Variants in STK10 observed in about 807,000 individuals in gnomAD.
The protein encoded by STK10 is serine/threonine kinase 10.
STK10 carries 78 observed loss-of-function variants against 113.8 expected under a neutral mutation model. The observed-to-expected ratio is 0.69, with a 90% confidence interval of 0.57 to 0.83. STK10 has a LOEUF of 0.83. Ranked by LOEUF, STK10 falls within the 40% of genes least tolerant of loss-of-function variation. The pLI is 0.00. For missense variants in STK10, 1,109 were observed against 1,280.1 expected (o/e 0.87, Z 2.04); for synonymous variants, 465 against 494.7 (o/e 0.94, Z 0.80).
chr5:172,089,645 G>C (rs183163259), intron 10 of STK10, among the ~76,000 whole-genome samples: 2 of 152,070 alleles, frequency 1.3e-5, no homozygotes, highest in African/African-American at 4.8e-5. Context: ...TGGATAATTC[G>C]GCAGATGAAG....
intron 8 of STK10, 77 bp from the exon 9 acceptor site, chr5:172,094,037 AAGTC>A (rs1768790699): frequency 2.6e-6 from 3 of 1,155,966 alleles, no homozygotes; most frequent in Non-Finnish European, 1.1e-6. Flanking sequence ...GCAGTGGAGA[AAGTC>A]AGACACCCTC....
rs1768634675 is a variant in STK10 at position 172,089,288 on chromosome 5, A to G, written c.1685+944T>C. 3.3e-5 allele frequency among the ~76,000 whole-genome samples: 5 copies of G among 152,246 alleles called. No homozygotes were observed. In the South Asian group the frequency reaches 1.0e-3, roughly 31 times the overall value. ...ATGGCATGTACCACAATCAGGGATT[A>G]TCTTGTGTACTGTATGTTGGCCCAT... is the stretch of plus-strand genomic sequence containing the variant. On this transcript the variant is annotated intron_variant, in intron 10 of 18. Coordinates refer to ENST00000176763, the MANE Select transcript of STK10 (RefSeq NM_005990.4).
intron 4 of STK10, among the ~76,000 whole-genome samples, chr5:172,116,467 T>C (rs1769386095): frequency 6.6e-6 from 1 of 152,200 alleles, no homozygotes; most frequent in Admixed American, 6.5e-5. Flanking sequence ...AGCGCTTGTC[T>C]CTGCAGGTGG....
In STK10 at chr5:172,093,983, ATT is replaced by A. The variant is rs765234036; in HGVS notation, c.1006-25_1006-24del. On this transcript the variant is annotated intron_variant, in intron 8 of 18. Transcript: ENST00000176763. This position sits in a 1 kb window ranked among gnomAD's most constrained non-coding sequence, Gnocchi z 4.1. Reference sequence around the variant, plus strand: ...GGTCTAGAAAAATATATATATATATATTAAAGGCCATGCTGCTGTATGTTCAA... The same window carrying A: ...GGTCTAGAAAAATATATATATATATAAAAGGCCATGCTGCTGTATGTTCAA... 3 of 1,342,880 alleles carry A rather than the reference ATT, an allele frequency of 2.2e-6. No homozygotes were observed. Among genetic ancestry groups the A allele is most frequent in the Admixed American group, 2.9e-5 (1 of 34,094 alleles). 83.2% of individuals were successfully genotyped at this position (1,342,880 alleles called of 1,614,324 possible).
At position 172,177,742 on chromosome 5, in the gene STK10, C is replaced by T. The variant is rs192596645; in HGVS notation, c.156+10145G>A. ...TGGTTTGAATGAGGTGACTAGGAAA[C>T]CTGCCATTGCCTGTATAGCCTGCGT... On this transcript the variant is annotated intron_variant, in intron 1 of 18. Transcript: ENST00000176763. Among the ~76,000 whole-genome samples the T allele has an allele frequency of 3.3e-5, 5 of 152,310 alleles. No homozygotes were observed. The East Asian group carries it at 9.6e-4, about 29-fold the overall frequency.
chr5:172,053,809 T>C (rs1767684712), intron 17 of STK10, among the ~76,000 whole-genome samples: 1 of 152,262 alleles, frequency 6.6e-6, no homozygotes, highest in Admixed American at 6.5e-5. Flanking sequence ...GAAGTAATAC[T>C]CGCAGCAGCG....
chr5:172,056,847 CTGAG>C (rs796574420), intron 15 of STK10, among the ~76,000 whole-genome samples: 2 of 147,824 alleles, frequency 1.4e-5, no homozygotes, highest in African/African-American at 5.0e-5. Context: ...GCACTCCAGC[CTGAG>C]TGAGAGAGCG....
At chr5:172,159,778 G>A (rs929874081) in intron 1 of STK10, among the ~76,000 whole-genome samples, 1 of 151,504 alleles carries the variant, frequency 6.6e-6, no homozygotes, top group African/African-American at 2.4e-5. Flanking sequence ...AGCCAAGATG[G>A]CACCACTGCA....
At chr5:172,065,476 G>T (rs60622896) in intron 12 of STK10, among the ~76,000 whole-genome samples, 18,800 of 151,884 alleles carry the variant, frequency 0.12, 2,389 homozygotes, top group African/African-American at 0.32. Context: ...CTGCCTGCCT[G>T]GGCCTCCCAA....
rs73321861 is a variant in STK10 at position 172,097,936 on chromosome 5, G to A, written c.871-1376C>T. 5.2e-3 allele frequency among the ~76,000 whole-genome samples: 790 copies of A among 152,250 alleles called. 4 individuals are homozygous for A. Among genetic ancestry groups the A allele is most frequent in the African/African-American group, 0.018 (753 of 41,556 alleles). On this transcript the variant is annotated intron_variant, in intron 7 of 18. Transcript: ENST00000176763. ...TGAGGTATCCTGAGTGAGGGCACCC[G>A]GGTATAGCCAGGGATGTGGGATTCC...
At chr5:172,128,221 CAAAAAAAAAAA>C (rs35298910) in intron 2 of STK10, among the ~76,000 whole-genome samples, 1 of 77,252 alleles carries the variant, frequency 1.3e-5, no homozygotes, top group African/African-American at 4.8e-5. Context: ...GACTCCGTCT[CAAAAAAAAAAA>C]AAAAAAAAAA....
chr5:172,146,133 T>C (rs998739868), intron 2 of STK10, among the ~76,000 whole-genome samples: 1 of 152,232 alleles, frequency 6.6e-6, no homozygotes, highest in Non-Finnish European at 1.5e-5. Flanking sequence ...CCCTCCTCCC[T>C]GCCCCCTGTA....
intron 2 of STK10, among the ~76,000 whole-genome samples, chr5:172,148,741 G>A (rs1401919563): frequency 6.6e-6 from 1 of 152,218 alleles, no homozygotes; most frequent in Non-Finnish European, 1.5e-5. Context: ...CCAGAGCCTG[G>A]CACCCAGAGA....
intron 18 of STK10, among the ~76,000 whole-genome samples, chr5:172,046,855 T>C (rs1329959217): frequency 4.6e-5 from 7 of 152,280 alleles, no homozygotes; most frequent in Non-Finnish European, 1.0e-4. Context: ...GATTAGGACA[T>C]TGGCAGTGGT....
intron 1 of STK10, among the ~76,000 whole-genome samples, chr5:172,171,730 TGAATA>T (rs11273930): frequency 9.0e-4 from 134 of 149,122 alleles, no homozygotes; most frequent in Admixed American, 2.3e-3. Flanking sequence ...TAAAATAAAA[TGAATA>T]GAATAGAATA....
intron 1 of STK10, among the ~76,000 whole-genome samples, chr5:172,157,787 C>T (rs1232550112): frequency 6.6e-6 from 1 of 152,044 alleles, no homozygotes; most frequent in Non-Finnish European, 1.5e-5. Context: ...GACAGGGTTT[C>T]ACCACATTGG....
At chr5:172,053,669 T>C (rs1767681846) in intron 17 of STK10, among the ~76,000 whole-genome samples, 1 of 152,238 alleles carries the variant, frequency 6.6e-6, no homozygotes, top group African/African-American at 2.4e-5. Context: ...GAGGAGCTTA[T>C]AAAGCAGGGG....
At chr5:172,117,665 AGC>A (rs752759078) in intron 3 of STK10, 35 bp from the exon 4 acceptor site, 2 of 1,609,700 alleles carry the variant, frequency 1.2e-6, no homozygotes, top group African/African-American at 2.7e-5. Context: ...CAATTCAGTA[AGC>A]CCTGGACACA....
rs201858221 is a variant in STK10, at chr5:172,127,465, A to G, written c.322-44T>C. The G allele has an allele frequency of 2.2e-4, 350 of 1,608,068 alleles. No individual in the cohort carries two copies. In the African/African-American group the frequency reaches 3.9e-3, roughly 18 times the overall value. Reference sequence around the variant, plus strand: ...AAAGTGACAATGAGTGGGGCTGCCCAGCCGTCGAGACGGGAACCCCACAGG... The same window carrying G: ...AAAGTGACAATGAGTGGGGCTGCCCGGCCGTCGAGACGGGAACCCCACAGG... On this transcript the variant is annotated intron_variant, in intron 2 of 18. Transcript: ENST00000176763.
Sources: gnomAD v4.1 joint callset for allele counts (sites outside exome capture counted in the v4.1 genomes callset) on GRCh38, gnomAD v4.1.1 for gene constraint, Gnocchi (gnomAD v3.1) non-coding constraint, MANE v1.5 for transcripts, NCBI Gene and HGNC (gene_info 2026-07-23, HGNC 2026-07-21) for gene names.